The following PDZRN4 variants were observed in gnomAD, a reference collection of about 807,000 sequenced individuals.
PDZRN4 encodes the protein PDZ domain containing ring finger 4, also known as PDZ domain-containing RING finger protein 4.
PDZRN4 carries 70 observed loss-of-function variants against 99.0 expected under a neutral mutation model. That is an observed-to-expected ratio of 0.71 (90% CI 0.58 to 0.86). PDZRN4 has a LOEUF of 0.86. Ranked by LOEUF, PDZRN4 falls within the 40% of genes least tolerant of loss-of-function variation. The probability of loss-of-function intolerance (pLI) is 0.00; values close to 1 mark genes in which losing one functional copy is unlikely to be tolerated. For missense variants in PDZRN4, 1,474 were observed against 1,331.2 expected, an observed-to-expected ratio of 1.11 and a Z score of -1.67; for synonymous variants, 551 against 501.6, an observed-to-expected ratio of 1.10 and a Z score of -1.32.
At chr12:41,493,904 G>C (rs1306964583) in intron 3 of PDZRN4, among the ~76,000 whole-genome samples, 3 of 148,276 alleles carry the variant, frequency 2.0e-5, no homozygotes, top group South Asian at 2.3e-4. Flanking sequence ...AAAATAATGG[G>C]GGGGGGGATT....
At chr12:41,209,373 C>A (rs1476256021) in intron 3 of PDZRN4, among the ~76,000 whole-genome samples, 2 of 150,790 alleles carry the variant, frequency 1.3e-5, no homozygotes, top group African/African-American at 2.4e-5. Flanking sequence ...TACTTTAAGT[C>A]TTAGGGTACC....
chr12:41,571,405 C>T (rs537851179), intron 9 of PDZRN4, among the ~76,000 whole-genome samples: 57 of 141,722 alleles, frequency 4.0e-4, no homozygotes, highest in African/African-American at 1.4e-3. Context: ...CACACACACA[C>T]ACTACATAAA....
At chr12:41,259,221 T>C (rs1951222358) in intron 3 of PDZRN4, among the ~76,000 whole-genome samples, 2 of 152,076 alleles carry the variant, frequency 1.3e-5, no homozygotes, top group Admixed American at 6.6e-5. Context: ...CATTAAATAT[T>C]TTCATATTTA....
At chr12:41,462,237 A>G (rs1952879791) in intron 3 of PDZRN4, among the ~76,000 whole-genome samples, 1 of 152,232 alleles carries the variant, frequency 6.6e-6, no homozygotes, top group Non-Finnish European at 1.5e-5. Flanking sequence ...TAGTGCTTTT[A>G]CAAAATAGAT....
intron 3 of PDZRN4, among the ~76,000 whole-genome samples, chr12:41,431,405 T>A (rs1952584892): frequency 6.6e-6 from 1 of 152,172 alleles, no homozygotes; most frequent in Non-Finnish European, 1.5e-5. Flanking sequence ...ATTACATCAA[T>A]AGAGATCAGG....
At chr12:41,389,686 C>A (rs190151089) in intron 3 of PDZRN4, among the ~76,000 whole-genome samples, 3 of 152,326 alleles carry the variant, frequency 2.0e-5, no homozygotes, top group African/African-American at 7.2e-5. Flanking sequence ...TCTGTAGCAT[C>A]ATGTGGCCCC....
At chr12:41,452,834 C>T (rs1478998572) in intron 3 of PDZRN4, among the ~76,000 whole-genome samples, 2 of 152,102 alleles carry the variant, frequency 1.3e-5, no homozygotes, top group South Asian at 2.1e-4. Flanking sequence ...TTTGCTGCAA[C>T]GAAAAAGTGT....
At chr12:41,549,048 T>TCACACTTCA (rs1226452039) in intron 5 of PDZRN4, among the ~76,000 whole-genome samples, 1 of 152,182 alleles carries the variant, frequency 6.6e-6, no homozygotes, top group East Asian at 1.9e-4. Context: ...AAATGTAGTT[T>TCACACTTCA]CACCAGGTGT....
intron 3 of PDZRN4, among the ~76,000 whole-genome samples, chr12:41,317,324 A>G (rs1429506887): frequency 6.6e-6 from 1 of 151,860 alleles, no homozygotes; most frequent in Non-Finnish European, 1.5e-5. Flanking sequence ...CTCAAGTTGG[A>G]AGTCAGTCTG....
At chr12:41,411,067 A>ATATT (rs34064559) in intron 3 of PDZRN4, among the ~76,000 whole-genome samples, 15 of 140,436 alleles carry the variant, frequency 1.1e-4, no homozygotes, top group African/African-American at 3.5e-4. Context: ...ATATATATAT[A>ATATT]TTTTTTTTTT....
intron 3 of PDZRN4, among the ~76,000 whole-genome samples, chr12:41,217,843 T>C (rs1470105258): frequency 6.6e-6 from 1 of 152,028 alleles, no homozygotes; most frequent in African/African-American, 2.4e-5. Flanking sequence ...CGCTCTGTGC[T>C]CCCAAGACCT....
intron 3 of PDZRN4, chr12:41,437,849 A>G: frequency 1.2e-6 from 2 of 1,606,196 alleles, no homozygotes; most frequent in Admixed American, 1.7e-5. Flanking sequence ...CTGATGAAAA[A>G]CAGTAGTCAA....
chr12:41,492,860 C>G (rs1044767134), intron 3 of PDZRN4, among the ~76,000 whole-genome samples: 1 of 152,146 alleles, frequency 6.6e-6, no homozygotes, highest in East Asian at 1.9e-4. Context: ...TCTAAATCAA[C>G]AAAATCAACC....
At chr12:41,308,884 C>A (rs1364596937) in intron 3 of PDZRN4, among the ~76,000 whole-genome samples, 1 of 151,998 alleles carries the variant, frequency 6.6e-6, no homozygotes, top group Non-Finnish European at 1.5e-5. Context: ...CCTAAGAAAC[C>A]ATTATGCAGA....
chr12:41,189,587 G>T, intron 1 of PDZRN4, among the ~76,000 whole-genome samples: 1 of 152,298 alleles, frequency 6.6e-6, no homozygotes, highest in Non-Finnish European at 1.5e-5. Context: ...ACTGGTGTCA[G>T]CGTTGATGAC....
Position 41,313,767 on chromosome 12 carries a change from T to C in PDZRN4, c.843+119579T>C, listed in dbSNP as rs188011331. 1.8e-3 allele frequency among the ~76,000 whole-genome samples: 272 copies of C among 152,344 alleles called. 2 individuals carry two copies. Among genetic ancestry groups the C allele is most frequent in the African/African-American group, 6.2e-3 (259 of 41,578 alleles). Reference sequence around the variant, plus strand: ...TCAGAGGCAGGGCAGGAGGAAGTGTTACATCTACTTTTTATTGCCAGGTAC... The same window carrying C: ...TCAGAGGCAGGGCAGGAGGAAGTGTCACATCTACTTTTTATTGCCAGGTAC... On this transcript the variant is annotated intron_variant, in intron 3 of 9. Coordinates refer to ENST00000402685, the MANE Select transcript of PDZRN4 (RefSeq NM_001164595.2).
chr12:41,310,634 G>T (rs1402844873), intron 3 of PDZRN4, among the ~76,000 whole-genome samples: 1 of 152,142 alleles, frequency 6.6e-6, no homozygotes, highest in African/African-American at 2.4e-5. Flanking sequence ...AGTGTCAATT[G>T]TTGCTCTTGA....
chr12:41,467,783 T>G (rs1952942738), intron 3 of PDZRN4, among the ~76,000 whole-genome samples: 1 of 152,230 alleles, frequency 6.6e-6, no homozygotes, highest in Non-Finnish European at 1.5e-5. Flanking sequence ...CCCAGGGGAC[T>G]CTGTACTTAC....
At chr12:41,381,006 A>G (rs1565567323) in intron 3 of PDZRN4, among the ~76,000 whole-genome samples, 1 of 152,064 alleles carries the variant, frequency 6.6e-6, no homozygotes, top group South Asian at 2.1e-4. Flanking sequence ...AGTATGGTTG[A>G]CTGGAAGATT....
Sources: allele counts gnomAD v4.1 joint callset (sites outside exome capture counted in the v4.1 genomes callset), GRCh38; gene constraint gnomAD v4.1.1; transcripts MANE v1.5; gene names NCBI Gene and HGNC (gene_info 2026-07-23, HGNC 2026-07-21).